Variants in ARHGAP45 observed in about 807,000 individuals in gnomAD.
ARHGAP45 encodes Rho GTPase activating protein 45.
ARHGAP45 carries 56 observed loss-of-function variants against 116.1 expected under a neutral mutation model. That is an observed-to-expected ratio of 0.48 (90% confidence interval 0.39 to 0.60). The LOEUF (loss-of-function observed/expected upper bound fraction) is 0.60. Ranked by LOEUF, ARHGAP45 falls within the 20% of genes least tolerant of loss-of-function variation. ARHGAP45 has a pLI of 0.00. For synonymous variants in ARHGAP45, 866 were observed against 701.7 expected, an observed-to-expected ratio of 1.23 and a Z score of -3.70; for missense variants, 1,622 against 1,601.0, an observed-to-expected ratio of 1.01 and a Z score of -0.22.
chr19:1,074,582 C>G, intron 8 of ARHGAP45, 32 bp from the exon 9 acceptor site: 1 of 1,517,426 alleles, frequency 6.6e-7, no homozygotes, highest in Non-Finnish European at 8.9e-7. Context: ...CTCCATCCCT[C>G]CCCACCCAGT....
At chr19:1,081,186 G>A in intron 17 of ARHGAP45, 122 bp downstream of exon 17, 2 of 1,163,458 alleles carry the variant, frequency 1.7e-6, no homozygotes, top group Non-Finnish European at 2.4e-6. Flanking sequence ...GGACGCCTTT[G>A]GAAGGAAGCG....
At chr19:1,083,448 C>A in intron 21 of ARHGAP45, 95 bp downstream of exon 21, 1 of 1,130,550 alleles carries the variant, frequency 8.8e-7, no homozygotes, top group Non-Finnish European at 1.3e-6. Flanking sequence ...GCCCAAGGAA[C>A]CACAGGGAGA....
upstream of ARHGAP45, chr19:1,066,567 C>T (rs1023801906): frequency 2.2e-5 from 4 of 183,462 alleles, no homozygotes; most frequent in South Asian, 1.0e-4. Flanking sequence ...CTTTGGGGAC[C>T]CCTGTGCAGG....
intron 22 of ARHGAP45, among the ~76,000 whole-genome samples, chr19:1,084,893 C>T (rs1470092409): frequency 6.6e-6 from 1 of 152,158 alleles, no homozygotes; most frequent in Non-Finnish European, 1.5e-5. Context: ...ACCAGCCTGA[C>T]CAACATGGTG....
chr19:1,073,286 G>A lies in ARHGAP45; in HGVS notation c.559G>A (p.Val187Ile), dbSNP rs1036027667. ...CGCAGCCGGCACCCTCATTGCCAAG[G>A]TCAAAGGTCAGCCTGCTGGAACAGG... ...LTAAGTLIAK[V>I]KAFHYESNND... Residue 187 changes from valine to isoleucine, a missense_variant, in exon 3 of 23, where the codon GTC becomes ATC. This residue lies in a region of ARHGAP45 where 279 missense variants were observed against 311.9 expected (regional missense o/e 0.89). Transcript: ENST00000313093. 5 of 1,613,324 alleles carry A rather than the reference G, an allele frequency of 3.1e-6. No homozygotes were observed. The highest frequency in any genetic ancestry group is 4.5e-5 in the East Asian group (2 of 44,888).
At chr19:1,080,600 C>T (rs2043404346) in intron 15 of ARHGAP45, 53 bp downstream of exon 15, 1 of 1,606,248 alleles carries the variant, frequency 6.2e-7, no homozygotes, top group African/African-American at 1.3e-5. Context: ...CTCTCCTGAG[C>T]CTCAGGGTTT....
chr19:1,074,287 C>T (rs768875377), intron 7 of ARHGAP45, 46 bp downstream of exon 7: 1 of 1,611,722 alleles, frequency 6.2e-7, no homozygotes, highest in Non-Finnish European at 8.5e-7. Context: ...GGAGGGGGTT[C>T]TGGGTGAGCT....
chr19:1,079,600 A>T (rs995397652), intron 11 of ARHGAP45, 103 bp from the exon 12 acceptor site: 79 of 1,451,856 alleles, frequency 5.4e-5, no homozygotes, highest in Non-Finnish European at 7.1e-5. Context: ...TGGCCTCCCG[A>T]GGCGCTGGGA....
chr19:1,081,096 G>C (rs1327797862), intron 17 of ARHGAP45, 32 bp downstream of exon 17: 1 of 1,569,220 alleles, frequency 6.4e-7, no homozygotes, highest in Non-Finnish European at 8.6e-7. Flanking sequence ...ACAGCTGGGA[G>C]CCTTCGGGAG....
At chr19:1,080,857 G>C (rs1207711804) in intron 16 of ARHGAP45, 35 bp from the exon 17 acceptor site, 1 of 1,606,054 alleles carries the variant, frequency 6.2e-7, no homozygotes, top group Non-Finnish European at 8.5e-7. Flanking sequence ...GCCCTGAGCT[G>C]CCTTGGTGAC....
rs746653901 is a variant in ARHGAP45, at chr19:1,077,900, T to G, written c.1229T>G (p.Val410Gly). 3 of 1,554,512 alleles carry G rather than the reference T, an allele frequency of 1.9e-6. 1 individual carries two copies. Among genetic ancestry groups the G allele is most frequent in the African/African-American group, 2.7e-5 (2 of 73,224 alleles). ...CTGCGCAAGGCCAAGCAGGGTTACG[T>G]GCAGCGCTGCGAGGACCACGACAAG... The part of the protein sequence containing the change: ...SNLRKAKQGY[V>G]QRCEDHDKAR... Residue 410 changes from valine (V) to glycine (G), a missense_variant, in exon 11 of 23, where the codon GTG (valine) becomes GGG (glycine). By Grantham distance (109) the Val-to-Gly change is moderately radical. Coordinates refer to ENST00000313093, the MANE Select transcript of ARHGAP45 (RefSeq NM_012292.5).
Position 1,085,794 on chromosome 19 carries a change from G to T in ARHGAP45, c.3199G>T (p.Ala1067Ser), listed in dbSNP as rs751416873. 1.2e-6 allele frequency: 2 copies of T among 1,612,812 alleles called. No homozygotes were observed. Among genetic ancestry groups the T allele is most frequent in the Non-Finnish European group, 1.7e-6 (2 of 1,179,894 alleles). Residue 1067 changes from alanine to serine, a missense_variant, in exon 23 of 23, where the codon GCT (alanine) becomes TCT (serine). By Grantham distance (99) the Ala-to-Ser change is moderately conservative. This residue lies in a region of ARHGAP45 where 1,334 missense variants were observed against 1,263.8 expected (regional missense o/e 1.06). Transcript: ENST00000313093. ...GCAGAGCGAGGCCAGCCTAGAGGTGGCTTCTGGCAGCCACAGCGGCAGTGA... is the reference window on the plus strand; with the variant it reads ...GCAGAGCGAGGCCAGCCTAGAGGTGTCTTCTGGCAGCCACAGCGGCAGTGA... The part of the protein sequence containing the change: ...QQQSEASLEV[A>S]SGSHSGSEEQ...
At chr19:1,079,906 C>A in intron 12 of ARHGAP45, 22 bp from the exon 13 acceptor site, 1 of 1,600,182 alleles carries the variant, frequency 6.2e-7, no homozygotes, top group Middle Eastern at 1.7e-4. Context: ...CTGACCCCTC[C>A]GCTCTCCGGT....
chr19:1,073,979 A>C lies in ARHGAP45; in HGVS notation c.755A>C (p.Glu252Ala). Residue 252 changes from glutamate (E) to alanine (A), a missense_variant, in exon 6 of 23, where the codon GAG becomes GCG. By Grantham distance (107) the Glu-to-Ala change is moderately radical (BLOSUM62 -1). Around this residue, in one of 3 missense-constraint regions of ARHGAP45, gnomAD observed 1,334 missense variants for 1,263.8 expected, o/e 1.06. Transcript: ENST00000313093. ...SMESLYGPGSEGTPPSLEDCD... is the reference protein window; with the variant it reads ...SMESLYGPGSAGTPPSLEDCD... ...GAAAGCCTGTATGGACCGGGCAGTG[A>C]GGGCACGCCTCCCAGCCTGGAAGAC... is the stretch of plus-strand genomic sequence containing the variant. 6.3e-7 allele frequency: 1 copy of C among 1,590,292 alleles called. No homozygotes were observed. The highest frequency in any genetic ancestry group is 8.6e-7 in the Non-Finnish European group (1 of 1,169,204).
chr19:1,077,240 G>C, intron 10 of ARHGAP45: 1 of 985,416 alleles, frequency 1.0e-6, no homozygotes. Flanking sequence ...GTGGGGGCTG[G>C]TGTGCGTGTC....
In ARHGAP45 at chr19:1,077,982, A is replaced by C. The variant is rs780844520; in HGVS notation, c.1311A>C (p.Ala437=). 4 of 1,554,392 alleles carry C rather than the reference A, an allele frequency of 2.6e-6. No individual in the cohort carries two copies. The South Asian group carries it at 4.7e-5, about 18-fold the overall frequency. Residue 437 remains alanine (A), a synonymous_variant, in exon 11 of 23, where the codon GCA becomes GCC. Transcript: ENST00000313093. The part of the protein sequence containing the change: ...EEEQAGSAPG[A]GSTATKTLDK... ...AGCAGGCTGGCAGCGCGCCGGGAGC[A>C]GGCAGCACGGCCACCAAGACCCTGG...
At chr19:1,084,058 A>G (rs550510555) in intron 21 of ARHGAP45, among the ~76,000 whole-genome samples, 180 bp from the exon 22 acceptor site, 5 of 152,062 alleles carry the variant, frequency 3.3e-5, no homozygotes, top group Admixed American at 6.5e-5. Flanking sequence ...TATTCTTTCA[A>G]TCCATCTTCC....
chr19:1,080,433 G>A (rs1232214940), intron 14 of ARHGAP45, 31 bp from the exon 15 acceptor site: 3 of 1,611,788 alleles, frequency 1.9e-6, no homozygotes, highest in African/African-American at 1.3e-5. Flanking sequence ...GACCCACCCT[G>A]GCCCTTCACC....
Position 1,068,050 on chromosome 19 carries a change from C to CA in ARHGAP45, c.91-363dup, listed in dbSNP as rs1314739778. Among the ~76,000 whole-genome samples, 2 of 151,652 alleles carry CA rather than the reference C, an allele frequency of 1.3e-5. No individual in the cohort carries two copies. The highest frequency in any genetic ancestry group is 2.9e-5 in the Non-Finnish European group (2 of 67,914). ...GTTCCATGGACCTTTAGGGGACAGACAGAGTCAGAAGTGTGTTCACTTAAA... is the reference window on the plus strand; with the variant it reads ...GTTCCATGGACCTTTAGGGGACAGACAAGAGTCAGAAGTGTGTTCACTTAAA... On this transcript the variant is annotated intron_variant, in intron 1 of 22. Transcript: ENST00000313093. The surrounding 1 kb of genome is among the most constrained non-coding windows in gnomAD (Gnocchi z 7.5).
Sources: gnomAD v4.1 joint callset for allele counts (sites outside exome capture counted in the v4.1 genomes callset) on GRCh38, gnomAD v4.1.1 for gene constraint, gnomAD v4.1.1 regional missense constraint, Gnocchi (gnomAD v3.1) non-coding constraint, MANE v1.5 for transcripts, NCBI Gene and HGNC (gene_info 2026-07-23, HGNC 2026-07-21) for gene names.